Variants in PKHD1L1 observed in about 807,000 individuals in gnomAD.
PKHD1L1 encodes the protein PKHD1 like 1.
Under a neutral mutation model 462.9 loss-of-function variants are expected in PKHD1L1, and 434 were observed. The observed-to-expected ratio is 0.94, with a 90% CI of 0.87 to 1.02. PKHD1L1 has a LOEUF of 1.02. Among genes scored for constraint, PKHD1L1 ranks in the 50% least tolerant of loss-of-function variants. PKHD1L1 has a pLI of 0.00. For synonymous variants in PKHD1L1, 1,781 were observed against 1,750.0 expected (o/e 1.02, Z -0.44); for missense variants, 5,202 against 5,096.1 (o/e 1.02, Z -0.63).
chr8:109,452,376 C>CA lies in PKHD1L1; in HGVS notation c.6507+103dup, dbSNP rs1454000732. 4.1e-5 allele frequency: 47 copies of CA among 1,150,428 alleles called. No individual in the cohort carries two copies. In the African/African-American group the frequency reaches 6.8e-4, roughly 17 times the overall value. 71.3% of individuals were successfully genotyped at this position (1,150,428 alleles called of 1,614,324 possible). ...AATTGTTGTTTTACTTTAATGTCTC[C>CA]AAAAAAATAACTGAGCTGTGACCAT... On this transcript the variant is annotated intron_variant, in intron 42 of 77. Coordinates refer to ENST00000378402, the MANE Select transcript of PKHD1L1 (RefSeq NM_177531.6).
intron 9 of PKHD1L1, among the ~76,000 whole-genome samples, chr8:109,393,760 C>T (rs1406939143): frequency 6.6e-6 from 1 of 152,164 alleles, no homozygotes; most frequent in Non-Finnish European, 1.5e-5. Flanking sequence ...TTAGCATGAT[C>T]CCACCTCTTA....
chr8:109,479,464 T>C, intron 53 of PKHD1L1, 87 bp from the exon 54 acceptor site: 2 of 893,196 alleles, frequency 2.2e-6, no homozygotes, highest in Non-Finnish European at 1.7e-6. Context: ...TAAAATCTTA[T>C]GGGGAAATGG....
chr8:109,489,285 A>G (rs1185055444), intron 59 of PKHD1L1, among the ~76,000 whole-genome samples: 2 of 151,856 alleles, frequency 1.3e-5, no homozygotes, highest in South Asian at 2.1e-4. Flanking sequence ...TTTTAACTAG[A>G]TGATAGAGAT....
intron 43 of PKHD1L1, 102 bp from the exon 44 acceptor site, chr8:109,454,065 T>A: frequency 1.6e-6 from 1 of 626,966 alleles, no homozygotes; most frequent in Non-Finnish European, 2.7e-6. Flanking sequence ...TTTAATTTAA[T>A]GTATAATTTA....
chr8:109,443,213 T>C, intron 36 of PKHD1L1, 97 bp downstream of exon 36: 1 of 1,189,458 alleles, frequency 8.4e-7, no homozygotes, highest in South Asian at 1.4e-5. Context: ...CTAACTGTGC[T>C]TCTATCTTAC....
intron 6 of PKHD1L1, among the ~76,000 whole-genome samples, chr8:109,386,377 C>A (rs1412079322): frequency 6.6e-6 from 1 of 152,028 alleles, no homozygotes; most frequent in Admixed American, 6.6e-5. Context: ...TTATGTTTAT[C>A]AAACTCATGC....
chr8:109,495,797 G>C (rs1819051238), intron 63 of PKHD1L1, among the ~76,000 whole-genome samples: 1 of 152,120 alleles, frequency 6.6e-6, no homozygotes, highest in South Asian at 2.1e-4. Context: ...CAGGAGAGCT[G>C]GTATTAAGTA....
chr8:109,517,274 T>G (rs558312049), intron 72 of PKHD1L1, among the ~76,000 whole-genome samples: 1 of 152,180 alleles, frequency 6.6e-6, no homozygotes, highest in Non-Finnish European at 1.5e-5. Flanking sequence ...CCCTGTGTTA[T>G]GAACCTATAC....
intron 77 of PKHD1L1, among the ~76,000 whole-genome samples, chr8:109,528,430 T>C (rs1820923540): frequency 6.6e-6 from 1 of 152,142 alleles, no homozygotes; most frequent in Non-Finnish European, 1.5e-5. Context: ...ATGCAAAAAA[T>C]ATAATCAACA....
At chr8:109,412,922 C>T (rs763337722) in intron 20 of PKHD1L1, among the ~76,000 whole-genome samples, 3 of 152,048 alleles carry the variant, frequency 2.0e-5, no homozygotes, top group Admixed American at 6.6e-5. Flanking sequence ...TCCTAAAATT[C>T]AAAGTTCTTA....
chr8:109,521,919 C>T (rs1179024419), intron 73 of PKHD1L1, among the ~76,000 whole-genome samples: 1 of 152,094 alleles, frequency 6.6e-6, no homozygotes, highest in Non-Finnish European at 1.5e-5. Context: ...CATATATTCT[C>T]CCACTATGTT....
Position 109,524,441 on chromosome 8 carries a change from A to AT in PKHD1L1, c.12484+1065dup, listed in dbSNP as rs574395888. Among the ~76,000 whole-genome samples the AT allele has an allele frequency of 1.1e-3, 166 of 150,122 alleles. 1 individual carries two copies. Among genetic ancestry groups the AT allele is most frequent in the South Asian group, 4.0e-3 (19 of 4,724 alleles). On this transcript the variant is annotated intron_variant, in intron 76 of 77. Coordinates refer to ENST00000378402, the MANE Select transcript of PKHD1L1 (RefSeq NM_177531.6). Reference sequence around the variant, plus strand: ...TCTTTTAACTATCAGCCCAAATGGAATTTTTTTTTTATGGGAAATGAGGCA... The same window carrying AT: ...TCTTTTAACTATCAGCCCAAATGGAATTTTTTTTTTTATGGGAAATGAGGCA...
intron 29 of PKHD1L1, 62 bp downstream of exon 29, chr8:109,435,416 G>C (rs1156927509): frequency 6.5e-7 from 1 of 1,542,018 alleles, no homozygotes; most frequent in Non-Finnish European, 8.8e-7. Flanking sequence ...TCAATGTGCT[G>C]TTTCTAGTAC....
Position 109,435,304 on chromosome 8 carries a change from T to A in PKHD1L1, c.3455T>A (p.Val1152Asp), listed in dbSNP as rs377437982. 6.2e-7 allele frequency: 1 copy of A among 1,613,726 alleles called. No individual in the cohort carries two copies. The highest frequency in any genetic ancestry group is 1.7e-5 in the Admixed American group (1 of 59,988). Residue 1152 changes from valine to aspartate, a missense_variant, in exon 29 of 78, where the codon GTT becomes GAT. Coordinates refer to ENST00000378402, the MANE Select transcript of PKHD1L1 (RefSeq NM_177531.6). The part of the protein sequence containing the change: ...QNVGGEEFYF[V>D]YQSQISHIWP... ...GTAGGGGGTGAAGAGTTCTACTTTG[T>A]TTATCAGAGTCAGATCTCACATATC...
At chr8:109,458,375 C>G (rs1816933536) in intron 46 of PKHD1L1, among the ~76,000 whole-genome samples, 1 of 151,116 alleles carries the variant, frequency 6.6e-6, no homozygotes, top group African/African-American at 2.4e-5. Context: ...CACTTTCTTC[C>G]CCCCACGAAT....
chr8:109,476,479 A>G, intron 51 of PKHD1L1, 29 bp from the exon 52 acceptor site: 1 of 1,337,122 alleles, frequency 7.5e-7, no homozygotes, highest in Non-Finnish European at 1.0e-6. Flanking sequence ...ATTAACATAC[A>G]AGTCACATTT....
At chr8:109,493,875 T>G (rs1563580) in intron 63 of PKHD1L1, 124 bp downstream of exon 63, 88,295 of 528,164 alleles carry the variant, frequency 0.17, 8,771 homozygotes, top group East Asian at 0.32. Context: ...CTGAAATAAC[T>G]CAACAAGATA....
intron 31 of PKHD1L1, 43 bp from the exon 32 acceptor site, chr8:109,438,854 A>T (rs976351412): frequency 7.2e-7 from 1 of 1,395,378 alleles, no homozygotes; most frequent in Admixed American, 2.3e-5. Context: ...ACTGGATAAC[A>T]AGTTGAACTT....
Position 109,465,013 on chromosome 8 carries a change from C to A in PKHD1L1, c.8181C>A (p.Gly2727=). The change falls in exon 49 of 78, where the codon GGC becomes GGA. Residue 2727 remains glycine, a synonymous_variant. Coordinates refer to ENST00000378402, the MANE Select transcript of PKHD1L1 (RefSeq NM_177531.6). ...GMGSAFCTAK[G]LVLPFSEGLT... ...GGTCTGCATTTTGCACAGCAAAAGG[C>A]CTGGTTCTCCCATTTAGTGAAGGCT... 6.2e-7 allele frequency: 1 copy of A among 1,613,742 alleles called. No individual in the cohort carries two copies. The highest frequency in any genetic ancestry group is 8.5e-7 in the Non-Finnish European group (1 of 1,179,776).
Sources: allele counts gnomAD v4.1 joint callset (sites outside exome capture counted in the v4.1 genomes callset), GRCh38; gene constraint gnomAD v4.1.1; transcripts MANE v1.5; gene names NCBI Gene and HGNC (gene_info 2026-07-23, HGNC 2026-07-21).